Variants in PRSS23 observed in about 807,000 individuals in gnomAD.
PRSS23 encodes protease, serine 23.
In PRSS23, 25 loss-of-function variants were observed where a neutral mutation model predicts 34.7. That is an observed-to-expected ratio of 0.72 (90% CI 0.53 to 1.01). The LOEUF (loss-of-function observed/expected upper bound fraction) is 1.01, where lower values mean the gene tolerates loss of function less well. Ranked by LOEUF, PRSS23 falls within the 50% of genes least tolerant of loss-of-function variation. The pLI, the probability that PRSS23 is intolerant of heterozygous loss-of-function variation, is 0.00. For synonymous variants in PRSS23, 176 were observed against 186.6 expected (o/e 0.94, Z 0.46); for missense variants, 445 against 475.6 (o/e 0.94, Z 0.60).
At chr11:86,867,062 C>G (rs1188231518) in intron 2 of PRSS23, among the ~76,000 whole-genome samples, 1 of 152,210 alleles carries the variant, frequency 6.6e-6, no homozygotes, top group African/African-American at 2.4e-5. Flanking sequence ...GAAAGAGACT[C>G]AGTACATCAG....
At chr11:86,830,471 C>G (rs575488686) in intron 2 of PRSS23, among the ~76,000 whole-genome samples, 82 of 152,294 alleles carry the variant, frequency 5.4e-4, no homozygotes, top group African/African-American at 1.9e-3. Flanking sequence ...CGCCCTGCTT[C>G]AGCTCGCACA....
intron 2 of PRSS23, among the ~76,000 whole-genome samples, chr11:86,904,041 A>C (rs1948927353): frequency 6.6e-6 from 1 of 152,178 alleles, no homozygotes; most frequent in African/African-American, 2.4e-5. Context: ...AATAAATCTA[A>C]AACCTTCTCA....
chr11:86,947,094 T>G (rs1250201284), intron 2 of PRSS23: 2 of 153,862 alleles, frequency 1.3e-5, no homozygotes, highest in African/African-American at 4.8e-5. Flanking sequence ...TCCCAGCTCC[T>G]CAGGAGGCTG....
exon 3 of PRSS23, chr11:86,951,504 A>G (rs770432329): frequency 6.2e-7 from 1 of 1,614,140 alleles, no homozygotes; most frequent in South Asian, 1.1e-5. Context: ...TGAAGATTTG[A>G]CCGAATTTTG....
At chr11:86,825,475 T>G (rs1204125647) in intron 2 of PRSS23, among the ~76,000 whole-genome samples, 1 of 152,212 alleles carries the variant, frequency 6.6e-6, no homozygotes, top group Non-Finnish European at 1.5e-5. Context: ...GCAGAAGCTC[T>G]TTAGTTTAAT....
At chr11:86,870,221 G>A (rs1195252197) in intron 2 of PRSS23, among the ~76,000 whole-genome samples, 2 of 150,790 alleles carry the variant, frequency 1.3e-5, no homozygotes, top group East Asian at 2.0e-4. Context: ...GTGCCTTGGC[G>A]CTACAGAGAT....
chr11:86,818,718 G>T (rs1948232441), intron 1 of PRSS23, among the ~76,000 whole-genome samples: 1 of 152,122 alleles, frequency 6.6e-6, no homozygotes, highest in Non-Finnish European at 1.5e-5. Context: ...TCGGCAACTC[G>T]TGGTTTCTTT....
chr11:86,907,584 C>A (rs1024791454), intron 2 of PRSS23, among the ~76,000 whole-genome samples: 2 of 152,038 alleles, frequency 1.3e-5, no homozygotes, highest in Admixed American at 6.5e-5. Flanking sequence ...CTTAGCCTCC[C>A]GAGTAGCTGA....
downstream of PRSS23, among the ~76,000 whole-genome samples, chr11:86,812,285 C>T (rs1249024757): frequency 6.6e-6 from 1 of 152,178 alleles, no homozygotes; most frequent in Non-Finnish European, 1.5e-5. Flanking sequence ...TCTGGGCTTC[C>T]ATTGTGATTC....
chr11:86,799,114 CG>C (rs1232531073), upstream of PRSS23, among the ~76,000 whole-genome samples: 2 of 152,000 alleles, frequency 1.3e-5, no homozygotes, highest in Non-Finnish European at 2.9e-5. Context: ...AATACCAGGC[CG>C]GGAGCAGTGA....
intron 2 of PRSS23, among the ~76,000 whole-genome samples, chr11:86,898,839 C>G (rs1352262153): frequency 6.6e-6 from 1 of 152,146 alleles, no homozygotes; most frequent in Non-Finnish European, 1.5e-5. Flanking sequence ...TCTCTGGGTG[C>G]CCAGAAGCAC....
intron 2 of PRSS23, chr11:86,951,123 G>C (rs1949286589): frequency 6.2e-7 from 1 of 1,612,634 alleles, no homozygotes; most frequent in African/African-American, 1.3e-5. Flanking sequence ...AATGAAGAAA[G>C]CATGGAGGCT....
intron 2 of PRSS23, among the ~76,000 whole-genome samples, chr11:86,866,852 C>T (rs1948652684): frequency 6.7e-6 from 1 of 148,804 alleles, no homozygotes. Flanking sequence ...CACGTGATCT[C>T]CACATACACC....
chr11:86,828,866 T>C (rs1948326072), intron 2 of PRSS23, among the ~76,000 whole-genome samples: 1 of 152,246 alleles, frequency 6.6e-6, no homozygotes. Context: ...AGAGATCCGC[T>C]GTTAGTCTGA....
At chr11:86,889,322 C>G (rs1354940748) in intron 2 of PRSS23, among the ~76,000 whole-genome samples, 8 of 152,152 alleles carry the variant, frequency 5.3e-5, no homozygotes, top group Non-Finnish European at 1.2e-4. Context: ...TAGTCTGTTC[C>G]TATGGCAGTA....
intron 2 of PRSS23, among the ~76,000 whole-genome samples, chr11:86,915,525 G>A (rs185457409): frequency 2.7e-5 from 4 of 148,892 alleles, no homozygotes; most frequent in Non-Finnish European, 4.5e-5. Context: ...TATCTGCTTA[G>A]AGTCGTAATA....
rs756535991 is a variant in PRSS23, at chr11:86,810,990, G to A, written c.*2195G>A. 6.0e-6 allele frequency: 1 copy of A among 166,680 alleles called. No homozygotes were observed. 10.3% of individuals were successfully genotyped at this position (166,680 alleles called of 1,614,324 possible). On this transcript the variant is annotated 3_prime_UTR_variant, in exon 2 of 2. Transcript: ENST00000280258. ...AGTTATACATATTAGAAGCATATTT[G>A]CCTAGTAAGGCTAGTAGAACCACAT...
chr11:86,877,729 G>A (rs929944102), intron 2 of PRSS23, among the ~76,000 whole-genome samples: 10 of 151,900 alleles, frequency 6.6e-5, no homozygotes, highest in Non-Finnish European at 1.3e-4. Flanking sequence ...CTTGATAACT[G>A]TACTGTTTTA....
chr11:86,923,063 A>G (rs1176392056), intron 2 of PRSS23, among the ~76,000 whole-genome samples: 1 of 152,054 alleles, frequency 6.6e-6, no homozygotes, highest in Non-Finnish European at 1.5e-5. Flanking sequence ...ACATGTTAAA[A>G]TGATATATCA....
Sources: allele counts gnomAD v4.1 joint callset (sites outside exome capture counted in the v4.1 genomes callset), GRCh38; gene constraint gnomAD v4.1.1; transcripts MANE v1.5; gene names NCBI Gene and HGNC (gene_info 2026-07-23, HGNC 2026-07-21).